Variants in CCDC170 observed in about 807,000 individuals in gnomAD.
CCDC170 encodes the protein coiled-coil domain-containing protein 170.
CCDC170 carries 69 observed loss-of-function variants against 72.6 expected under a neutral mutation model. The ratio of observed to expected loss-of-function variants is 0.95; its 90% CI spans 0.78 to 1.16. CCDC170 has a LOEUF of 1.16. CCDC170 is among the 50% of genes most tolerant of loss of function. CCDC170 has a pLI of 0.00. For synonymous variants in CCDC170, 300 were observed against 303.9 expected (o/e 0.99, Z 0.13); for missense variants, 852 against 832.5 (o/e 1.02, Z -0.29).
intron 2 of CCDC170, 121 bp from the exon 3 acceptor site, chr6:151,537,924 A>T: frequency 2.1e-6 from 2 of 959,370 alleles, no homozygotes; most frequent in Non-Finnish European, 3.0e-6. Context: ...AAAAAAAATA[A>T]AGTTAGATTA....
intron 9 of CCDC170, among the ~76,000 whole-genome samples, chr6:151,609,643 A>G (rs1307316296): frequency 6.6e-6 from 1 of 152,202 alleles, no homozygotes; most frequent in East Asian, 1.9e-4. Flanking sequence ...GAAGAAAATT[A>G]GGGGCACAGT....
In CCDC170 at chr6:151,620,898, C is replaced by A. The variant is rs1777051417; in HGVS notation, c.*2751C>A. 1 of 151,690 alleles carries A rather than the reference C, an allele frequency of 6.6e-6. No homozygotes were observed. Among genetic ancestry groups the A allele is most frequent in the Non-Finnish European group, 1.5e-5 (1 of 67,942 alleles). 9.4% of individuals were successfully genotyped at this position (151,690 alleles called of 1,614,324 possible). On this transcript the variant is annotated 3_prime_UTR_variant, in exon 11 of 11. Transcript: ENST00000239374. ...TCCATAGTGGTTAGTACTGTAATTT[C>A]TGTTTATTACATGAAATTACATTCC...
At chr6:151,541,887 T>TGTATA (rs973454951) in intron 3 of CCDC170, among the ~76,000 whole-genome samples, 3 of 59,268 alleles carry the variant, frequency 5.1e-5, no homozygotes, top group African/African-American at 1.7e-4. Context: ...TATATATATA[T>TGTATA]TTTTTTTTTT....
At chr6:151,572,671 A>ATTTTTTTTTTTTTTTTTTT (rs1776240388) in intron 5 of CCDC170, among the ~76,000 whole-genome samples, 1 of 21,108 alleles carries the variant, frequency 4.7e-5, no homozygotes, top group Non-Finnish European at 9.8e-5. Flanking sequence ...TTTTTTTTTG[A>ATTTTTTTTTTTTTTTTTTT]TGGAGTCTTG....
chr6:151,618,084 C>T lies in CCDC170; in HGVS notation c.2085C>T (p.Cys695=), dbSNP rs772690278. The T allele has an allele frequency of 6.2e-7, 1 of 1,614,080 alleles. No homozygotes were observed. The highest frequency in any genetic ancestry group is 2.2e-5 in the East Asian group (1 of 44,878). The change falls in exon 11 of 11, where the codon TGC becomes TGT. Residue 695 remains cysteine, a synonymous_variant. Coordinates refer to ENST00000239374, the MANE Select transcript of CCDC170 (RefSeq NM_025059.4). ...AGCATCACTTTGTTACCTGTGCCTGCCTCAAAGATGTGACTACTGGGCAAG... is the reference window on the plus strand; with the variant it reads ...AGCATCACTTTGTTACCTGTGCCTGTCTCAAAGATGTGACTACTGGGCAAG... The part of the protein sequence containing the change: ...SHQHHFVTCA[C]LKDVTTGQER...
chr6:151,533,785 G>C (rs1731418309), intron 1 of CCDC170, among the ~76,000 whole-genome samples: 1 of 150,100 alleles, frequency 6.7e-6, no homozygotes, highest in Non-Finnish European at 1.5e-5. Context: ...ATTTCATTTT[G>C]TAATTACACA....
Position 151,573,201 on chromosome 6 carries a change from G to T in CCDC170, c.802G>T (p.Glu268Ter), listed in dbSNP as rs746039001. 4 of 1,613,734 alleles carry T rather than the reference G, an allele frequency of 2.5e-6. No individual in the cohort carries two copies. The highest frequency in any genetic ancestry group is 3.4e-6 in the Non-Finnish European group (4 of 1,179,938). ...CCTGCTCAGTGCTGTAGAAGCAAAA[G>T]AAGCTCTTGAAAGGGAAGTTAAGAT... The part of the protein sequence containing the change: ...QDLLSAVEAK[E>*]ALEREVKIFQ... Residue 268 changes from glutamate to a stop codon, truncating the protein, a stop_gained, in exon 6 of 11, where the codon GAA becomes TAA. Coordinates refer to ENST00000239374, the MANE Select transcript of CCDC170 (RefSeq NM_025059.4). LOFTEE classifies it high-confidence loss of function.
At chr6:151,569,290 G>C (rs1776184629) in intron 5 of CCDC170, among the ~76,000 whole-genome samples, 1 of 152,058 alleles carries the variant, frequency 6.6e-6, no homozygotes. Context: ...TTTTTAAAAC[G>C]CAAACCTTTG....
rs974465413 is a variant in CCDC170, at chr6:151,619,622, T to C, written c.*1475T>C. ...TTCGTGAGTCATCAAAAAGTCAAAGTCAGCCTGGCCAACATGGCAAAACTC... is the reference window on the plus strand; with the variant it reads ...TTCGTGAGTCATCAAAAAGTCAAAGCCAGCCTGGCCAACATGGCAAAACTC... On this transcript the variant is annotated 3_prime_UTR_variant, in exon 11 of 11. Transcript: ENST00000239374. 1 of 151,958 alleles carries C rather than the reference T, an allele frequency of 6.6e-6. No homozygotes were observed. Among genetic ancestry groups the C allele is most frequent in the Non-Finnish European group, 1.5e-5 (1 of 67,954 alleles). 9.4% of individuals were successfully genotyped at this position (151,958 alleles called of 1,614,324 possible). A position where few individuals can be genotyped will look rare whatever the true frequency, so the allele number is the denominator to read the frequency against.
chr6:151,596,519 C>T lies in CCDC170; in HGVS notation c.1652C>T (p.Thr551Met), dbSNP rs202238373. 64 of 1,613,946 alleles carry T rather than the reference C, an allele frequency of 4.0e-5. No individual in the cohort carries two copies. Among genetic ancestry groups the T allele is most frequent in the Admixed American group, 2.0e-4 (12 of 59,978 alleles). ...GAGAGGCTGCAGAAAGAGCTGAACA[C>T]GTGTCGAGACTTGCACACCGAGCTC... is the stretch of plus-strand genomic sequence containing the variant. ...KVERLQKELN[T>M]CRDLHTELKA... Residue 551 changes from threonine to methionine, a missense_variant, in exon 9 of 11, where the codon ACG becomes ATG. By Grantham distance (81) the Thr-to-Met change is moderately conservative. Coordinates refer to ENST00000239374, the MANE Select transcript of CCDC170 (RefSeq NM_025059.4).
At position 151,533,166 on chromosome 6, in the gene CCDC170, G is replaced by A. The variant is rs551714296; in HGVS notation, c.58-3152G>A. On this transcript the variant is annotated intron_variant, in intron 1 of 10. Transcript: ENST00000239374. ...CCTCCCAGGTTCATGCCATTCTCCTGCCTCAGCCTCCCGAGTAGCTGGGAC... is the reference window on the plus strand; with the variant it reads ...CCTCCCAGGTTCATGCCATTCTCCTACCTCAGCCTCCCGAGTAGCTGGGAC... Among the ~76,000 whole-genome samples the A allele has an allele frequency of 2.3e-3, 348 of 149,868 alleles. 1 individual carries two copies. The highest frequency in any genetic ancestry group is 8.1e-3 in the African/African-American group (328 of 40,734).
chr6:151,594,428 C>T (rs1183866769), intron 8 of CCDC170, among the ~76,000 whole-genome samples: 1 of 152,160 alleles, frequency 6.6e-6, no homozygotes, highest in African/African-American at 2.4e-5. Context: ...GCTTCTTCTC[C>T]ACTACCATAT....
chr6:151,569,386 T>C (rs1776185677), intron 5 of CCDC170, among the ~76,000 whole-genome samples: 1 of 152,258 alleles, frequency 6.6e-6, no homozygotes, highest in Non-Finnish European at 1.5e-5. Context: ...TTAAAGTTTT[T>C]GTTAAAAGTA....
intron 6 of CCDC170, among the ~76,000 whole-genome samples, chr6:151,576,848 G>A (rs1267994736): frequency 6.6e-6 from 1 of 152,200 alleles, no homozygotes; most frequent in Non-Finnish European, 1.5e-5. Flanking sequence ...CCATGGCTAC[G>A]CACACAGTCA....
chr6:151,522,554 G>C (rs1782337408), intron 1 of CCDC170, among the ~76,000 whole-genome samples: 2 of 152,084 alleles, frequency 1.3e-5, no homozygotes, highest in Non-Finnish European at 2.9e-5. Context: ...TTAGCCAATG[G>C]GAATTAGTTT....
intron 1 of CCDC170, among the ~76,000 whole-genome samples, chr6:151,516,551 G>C (rs551932565): frequency 7.6e-4 from 116 of 152,224 alleles, no homozygotes; most frequent in South Asian, 2.9e-3. Flanking sequence ...CCCAGGGTTT[G>C]TCATCTCGCA....
chr6:151,575,913 C>T (rs1002686863), intron 6 of CCDC170, among the ~76,000 whole-genome samples: 4 of 151,900 alleles, frequency 2.6e-5, no homozygotes, highest in African/African-American at 7.3e-5. Flanking sequence ...GAGGTCTCTG[C>T]GAGTAACTTA....
intron 3 of CCDC170, among the ~76,000 whole-genome samples, chr6:151,543,949 G>C (rs566667624): frequency 5.9e-5 from 9 of 152,134 alleles, no homozygotes; most frequent in African/African-American, 2.2e-4. Context: ...ACATCTCTTC[G>C]ATATACTGAT....
intron 5 of CCDC170, among the ~76,000 whole-genome samples, chr6:151,561,809 C>G (rs1025406220): frequency 6.6e-6 from 1 of 151,996 alleles, no homozygotes; most frequent in African/African-American, 2.4e-5. Context: ...ATCTGTTTTC[C>G]AAATTGTATA....
Sources: gnomAD v4.1 joint callset for allele counts (sites outside exome capture counted in the v4.1 genomes callset) on GRCh38, gnomAD v4.1.1 for gene constraint, MANE v1.5 for transcripts, NCBI Gene and HGNC (gene_info 2026-07-23, HGNC 2026-07-21) for gene names.